LIPK: variants seen among roughly 807,000 people sequenced by gnomAD.
LIPK encodes the protein lipase member K.
A neutral mutation model predicts 48.6 loss-of-function variants in LIPK; 32 were observed. The ratio of observed to expected loss-of-function variants is 0.66; its 90% confidence interval spans 0.50 to 0.88. The LOEUF is 0.88. LIPK is among the 40% of genes least tolerant of loss of function. LIPK has a pLI of 0.00. For synonymous variants in LIPK, 164 were observed against 157.4 expected (o/e 1.04, Z -0.32); for missense variants, 507 against 478.5 (o/e 1.06, Z -0.56).
chr10:88,730,942 G>C (rs1286264991), intron 3 of LIPK, 41 bp from the exon 4 acceptor site: 1 of 1,484,788 alleles, frequency 6.7e-7, no homozygotes, highest in Non-Finnish European at 9.0e-7. Flanking sequence ...TAGACACTGA[G>C]AAAGTTCAAA....
rs146591449 is a variant in LIPK, at chr10:88,747,231, G to A, written c.960+3910G>A. On this transcript the variant is annotated intron_variant, in intron 9 of 9. Coordinates refer to ENST00000404190, the MANE Select transcript of LIPK (RefSeq NM_001080518.2). ...CTTATTGAAATAATTCCAAAAAATC[G>A]AGGAGGAGGGACTCTTCTCTAACTC... 5.7e-3 allele frequency among the ~76,000 whole-genome samples: 863 copies of A among 152,220 alleles called. 11 individuals are homozygous for A. Among genetic ancestry groups the A allele is most frequent in the African/African-American group, 0.02 (824 of 41,532 alleles).
At chr10:88,750,522 C>T (rs1842845947) in intron 9 of LIPK, among the ~76,000 whole-genome samples, 1 of 152,044 alleles carries the variant, frequency 6.6e-6, no homozygotes, top group African/African-American at 2.4e-5. Context: ...AGGTGGAGGC[C>T]ATTATCCTAA....
chr10:88,750,248 T>G (rs953932644), intron 9 of LIPK, among the ~76,000 whole-genome samples: 3 of 152,180 alleles, frequency 2.0e-5, no homozygotes, highest in Admixed American at 6.5e-5. Context: ...AATGTGACAA[T>G]TTCTCAAAGA....
intron 8 of LIPK, among the ~76,000 whole-genome samples, chr10:88,741,224 C>G (rs765820435): frequency 2.5e-4 from 38 of 152,164 alleles, no homozygotes; most frequent in Non-Finnish European, 5.0e-4. Flanking sequence ...TTTTTTAAGA[C>G]AGGGTCTCAA....
chr10:88,740,448 G>A (rs1449376486), intron 8 of LIPK, among the ~76,000 whole-genome samples: 1 of 152,240 alleles, frequency 6.6e-6, no homozygotes, highest in Non-Finnish European at 1.5e-5. Context: ...ATTTCAGAAT[G>A]TGGAAATGAT....
rs200517911 is a variant in LIPK, at chr10:88,706,360, T to C, written c.-12+40T>C. ...TCTATTTGCAGAGCCTGGATCATAG[T>C]GTATTAGTGAGACATAGGAAACCTT... On this transcript the variant is annotated intron_variant, in intron 1 of 9. Transcript: ENST00000404190. 4.6e-5 allele frequency among the ~76,000 whole-genome samples: 7 copies of C among 152,290 alleles called. No individual in the cohort carries two copies. In the East Asian group the frequency reaches 1.2e-3, roughly 25 times the overall value.
At chr10:88,727,861 C>T in intron 3 of LIPK, 1 of 375,160 alleles carries the variant, frequency 2.7e-6, no homozygotes, top group East Asian at 7.0e-5. Context: ...AAGTGTGGTT[C>T]CTGGAGCAGC....
intron 1 of LIPK, among the ~76,000 whole-genome samples, chr10:88,718,693 A>G (rs1385164909): frequency 6.6e-6 from 1 of 152,122 alleles, no homozygotes; most frequent in Non-Finnish European, 1.5e-5. Context: ...GTGAAAAGAA[A>G]TTGAGTAAAA....
At chr10:88,728,108 G>T in intron 3 of LIPK, 1 of 280,062 alleles carries the variant, frequency 3.6e-6, no homozygotes, top group Non-Finnish European at 7.2e-6. Context: ...TCCTCATCAA[G>T]AAGGATGTGG....
At position 88,737,963 on chromosome 10, in the gene LIPK, G is replaced by A. The variant is rs78660459; in HGVS notation, c.816+182G>A. On this transcript the variant is annotated intron_variant, in intron 7 of 9. Transcript: ENST00000404190. ...CACTTGCTTTCATAGGAGGATTTGAGAAGAAAGCTTTTCTGCCAACAATTC... is the reference window on the plus strand; with the variant it reads ...CACTTGCTTTCATAGGAGGATTTGAAAAGAAAGCTTTTCTGCCAACAATTC... 1.8e-3 allele frequency among the ~76,000 whole-genome samples: 277 copies of A among 152,266 alleles called. 1 individual carries two copies. Among genetic ancestry groups the A allele is most frequent in the Admixed American group, 3.4e-3 (52 of 15,298 alleles).
intron 2 of LIPK, 65 bp downstream of exon 2, chr10:88,724,713 A>G (rs1590139115): frequency 8.8e-7 from 1 of 1,138,888 alleles, no homozygotes; most frequent in Non-Finnish European, 1.3e-6. Context: ...CATTTTAGAT[A>G]CAACTGGTGT....
chr10:88,719,342 T>C (rs1842177848), intron 1 of LIPK, among the ~76,000 whole-genome samples: 1 of 152,172 alleles, frequency 6.6e-6, no homozygotes. Context: ...AAAACAGTAA[T>C]AGTCAATAGT....
intron 7 of LIPK, among the ~76,000 whole-genome samples, chr10:88,738,577 A>T (rs138241324): frequency 6.6e-6 from 1 of 152,258 alleles, no homozygotes; most frequent in Non-Finnish European, 1.5e-5. Flanking sequence ...TACAATGGAA[A>T]CTATGCTTCC....
chr10:88,707,880 A>ATAGT (rs1841964195), intron 1 of LIPK, among the ~76,000 whole-genome samples: 1 of 152,126 alleles, frequency 6.6e-6, no homozygotes, highest in Non-Finnish European at 1.5e-5. Context: ...CTGACCACTA[A>ATAGT]TAGTTGTGAG....
intron 1 of LIPK, 118 bp from the exon 2 acceptor site, chr10:88,724,415 G>C (rs1842292078): frequency 1.6e-6 from 1 of 642,832 alleles, no homozygotes; most frequent in Non-Finnish European, 2.7e-6. Context: ...ACTGGTTAAA[G>C]CACAGCCTAG....
At chr10:88,718,736 C>T (rs1342215770) in intron 1 of LIPK, among the ~76,000 whole-genome samples, 1 of 151,946 alleles carries the variant, frequency 6.6e-6, no homozygotes, top group Non-Finnish European at 1.5e-5. Flanking sequence ...TTGACATTTA[C>T]GTTTGCTAGC....
At chr10:88,749,961 A>G (rs1408717040) in intron 9 of LIPK, among the ~76,000 whole-genome samples, 1 of 152,184 alleles carries the variant, frequency 6.6e-6, no homozygotes, top group Non-Finnish European at 1.5e-5. Flanking sequence ...CTAACAAGCA[A>G]AAAAACCAAA....
At position 88,750,110 on chromosome 10, in the gene LIPK, C is replaced by T. The variant is rs183610878; in HGVS notation, c.961-2407C>T. Reference sequence around the variant, plus strand: ...GAAAATCAAAACCATGATGAGATAGCATCTCACACCAGTCAGAATGGCTAT... The same window carrying T: ...GAAAATCAAAACCATGATGAGATAGTATCTCACACCAGTCAGAATGGCTAT... On this transcript the variant is annotated intron_variant, in intron 9 of 9. Coordinates refer to ENST00000404190, the MANE Select transcript of LIPK (RefSeq NM_001080518.2). Among the ~76,000 whole-genome samples the T allele has an allele frequency of 3.4e-4, 51 of 152,214 alleles. No homozygotes were observed. The East Asian group carries it at 9.3e-3, about 28-fold the overall frequency.
intron 9 of LIPK, among the ~76,000 whole-genome samples, chr10:88,748,354 C>A (rs990502033): frequency 6.6e-6 from 1 of 152,120 alleles, no homozygotes; most frequent in Non-Finnish European, 1.5e-5. Flanking sequence ...ATGTAACAAA[C>A]TTGCACATTG....
Sources: allele counts gnomAD v4.1 joint callset (sites outside exome capture counted in the v4.1 genomes callset), GRCh38; gene constraint gnomAD v4.1.1; transcripts MANE v1.5; gene names NCBI Gene and HGNC (gene_info 2026-07-23, HGNC 2026-07-21).